DEPTOR: variants seen among roughly 807,000 people sequenced by gnomAD.
DEPTOR encodes DEP domain containing MTOR interacting protein.
DEPTOR carries 41 observed loss-of-function variants against 41.6 expected under a neutral mutation model. The observed-to-expected ratio is 0.98, with a 90% CI of 0.77 to 1.28. The LOEUF is 1.28. DEPTOR is among the 50% of genes most tolerant of loss of function. The pLI is 0.00. For missense variants in DEPTOR, 514 were observed against 527.9 expected (o/e 0.97, Z 0.26); for synonymous variants, 195 against 192.3 (o/e 1.01, Z -0.12).
intron 1 of DEPTOR, among the ~76,000 whole-genome samples, chr8:119,910,557 A>G (rs1758888961): frequency 6.6e-6 from 1 of 151,822 alleles, no homozygotes; most frequent in Non-Finnish European, 1.5e-5. Context: ...GTTTCAAACA[A>G]TTCTCCTGCC....
chr8:119,987,452 A>G (rs752709979), intron 4 of DEPTOR, among the ~76,000 whole-genome samples: 5 of 152,136 alleles, frequency 3.3e-5, no homozygotes, highest in Non-Finnish European at 7.3e-5. Flanking sequence ...GCTCTCCGGT[A>G]TGAGATGTCT....
intron 3 of DEPTOR, among the ~76,000 whole-genome samples, chr8:119,957,840 T>A (rs1205681175): frequency 1.3e-5 from 2 of 152,156 alleles, no homozygotes; most frequent in Non-Finnish European, 2.9e-5. Context: ...TCGCCCACCT[T>A]GGCCTCCCAA....
At chr8:119,965,123 C>T (rs1828540115) in intron 3 of DEPTOR, 109 bp from the exon 4 acceptor site, 3 of 1,209,964 alleles carry the variant, frequency 2.5e-6, no homozygotes, top group Non-Finnish European at 3.4e-6. Flanking sequence ...ACAGCTGCAT[C>T]TGTCTGTCTG....
intron 4 of DEPTOR, among the ~76,000 whole-genome samples, chr8:119,992,826 T>G (rs574392755): frequency 1.3e-5 from 2 of 152,032 alleles, no homozygotes; most frequent in East Asian, 3.9e-4. Context: ...CTGGCTAATT[T>G]TTATGTTTTT....
intron 8 of DEPTOR, among the ~76,000 whole-genome samples, chr8:120,024,336 A>G (rs1013253144): frequency 6.6e-6 from 1 of 152,184 alleles, no homozygotes; most frequent in Non-Finnish European, 1.5e-5. Flanking sequence ...ACATGGGTGT[A>G]CTTAGGTGTG....
intron 1 of DEPTOR, among the ~76,000 whole-genome samples, chr8:119,900,338 G>GA (rs1229661685): frequency 2.3e-4 from 16 of 69,934 alleles, no homozygotes; most frequent in Non-Finnish European, 3.0e-4. Context: ...AAAAAAAAAA[G>GA]AAAAAAAAAA....
chr8:119,918,431 G>A (rs1296255887), intron 1 of DEPTOR, among the ~76,000 whole-genome samples: 1 of 149,810 alleles, frequency 6.7e-6, no homozygotes, highest in East Asian at 2.0e-4. Flanking sequence ...CATTTGGCAT[G>A]GACCACCTTT....
intron 3 of DEPTOR, among the ~76,000 whole-genome samples, chr8:119,937,157 T>G (rs905407144): frequency 5.3e-5 from 8 of 152,212 alleles, no homozygotes; most frequent in African/African-American, 1.9e-4. Flanking sequence ...ATCCCAGCAC[T>G]TTGGGAGGCC....
intron 4 of DEPTOR, among the ~76,000 whole-genome samples, chr8:119,967,945 G>A (rs1175839081): frequency 2.0e-5 from 3 of 152,136 alleles, no homozygotes; most frequent in Admixed American, 6.6e-5. Flanking sequence ...GAGTGACACT[G>A]TATTCCAGGC....
chr8:119,935,582 G>A (rs570797881), intron 3 of DEPTOR, among the ~76,000 whole-genome samples: 12 of 151,924 alleles, frequency 7.9e-5, no homozygotes, highest in Non-Finnish European at 1.6e-4. Flanking sequence ...TTAGCCAGGC[G>A]TGGTGGCATG....
intron 5 of DEPTOR, 117 bp from the exon 6 acceptor site, chr8:120,002,860 C>A: frequency 9.0e-7 from 1 of 1,111,508 alleles, no homozygotes; most frequent in Non-Finnish European, 1.2e-6. Context: ...GTTTTTCTGC[C>A]ACTAAGACCA....
chr8:119,889,378 CT>C (rs1439700559), intron 1 of DEPTOR, among the ~76,000 whole-genome samples: 1 of 151,396 alleles, frequency 6.6e-6, no homozygotes, highest in Non-Finnish European at 1.5e-5. Flanking sequence ...GAGACCCCAT[CT>C]CTACAGAAAT....
chr8:119,946,580 C>A (rs1828280973), intron 3 of DEPTOR, among the ~76,000 whole-genome samples: 1 of 151,774 alleles, frequency 6.6e-6, no homozygotes, highest in Admixed American at 6.6e-5. Flanking sequence ...ACTAAAAATA[C>A]AAAGTTAGCC....
At chr8:119,939,131 T>G (rs2129886761) in intron 3 of DEPTOR, among the ~76,000 whole-genome samples, 1 of 152,324 alleles carries the variant, frequency 6.6e-6, no homozygotes, top group African/African-American at 2.4e-5. Context: ...AACAAAAAGT[T>G]TATACTGTAT....
rs190286410 is a variant in DEPTOR, at chr8:120,023,578, A to C, written c.1101+14445A>C. Among the ~76,000 whole-genome samples the C allele has an allele frequency of 1.0e-3, 159 of 152,230 alleles. 2 individuals carry two copies. Among genetic ancestry groups the C allele is most frequent in the African/African-American group, 3.6e-3 (150 of 41,542 alleles). On this transcript the variant is annotated intron_variant, in intron 8 of 8. Coordinates refer to ENST00000286234, the MANE Select transcript of DEPTOR (RefSeq NM_022783.4). ...CTTGGGAAGTAAAGATAAACATGAGAGTGTCTTTACTATATCTGCTGGGAT... is the reference window on the plus strand; with the variant it reads ...CTTGGGAAGTAAAGATAAACATGAGCGTGTCTTTACTATATCTGCTGGGAT...
chr8:119,979,737 T>A (rs1828739107), intron 4 of DEPTOR, among the ~76,000 whole-genome samples: 1 of 152,178 alleles, frequency 6.6e-6, no homozygotes, highest in African/African-American at 2.4e-5. Context: ...GTTTTGGTCA[T>A]ATTGGCAGTT....
At chr8:119,888,335 T>G (rs552798226) in intron 1 of DEPTOR, among the ~76,000 whole-genome samples, 1 of 152,226 alleles carries the variant, frequency 6.6e-6, no homozygotes, top group African/African-American at 2.4e-5. Flanking sequence ...ACTATTAGAA[T>G]TGTCATATAT....
At chr8:120,031,955 G>C (rs1244686652) in intron 8 of DEPTOR, among the ~76,000 whole-genome samples, 1 of 152,102 alleles carries the variant, frequency 6.6e-6, no homozygotes, top group East Asian at 1.9e-4. Flanking sequence ...GTGAGCTGAG[G>C]CTTCTCCCTG....
At chr8:119,954,245 G>A (rs1288532683) in intron 3 of DEPTOR, among the ~76,000 whole-genome samples, 1 of 151,854 alleles carries the variant, frequency 6.6e-6, no homozygotes, top group African/African-American at 2.4e-5. Context: ...CTGGGCTCAA[G>A]TGATCCTCCC....
Sources: gnomAD v4.1 joint callset for allele counts (sites outside exome capture counted in the v4.1 genomes callset) on GRCh38, gnomAD v4.1.1 for gene constraint, MANE v1.5 for transcripts, NCBI Gene and HGNC (gene_info 2026-07-23, HGNC 2026-07-21) for gene names.